ARFGEF1: variants seen among roughly 807,000 people sequenced by gnomAD.
The protein encoded by ARFGEF1 is brefeldin A-inhibited guanine nucleotide-exchange protein 1.
Under a neutral mutation model 231.0 loss-of-function variants are expected in ARFGEF1, and 42 were observed. The observed-to-expected ratio is 0.18, with a 90% CI of 0.14 to 0.24. The LOEUF is 0.24. Among genes scored for constraint, ARFGEF1 ranks in the 10% least tolerant of loss-of-function variants. ARFGEF1 has a pLI of 1.00. For missense variants in ARFGEF1, 1,345 were observed against 2,192.0 expected, an observed-to-expected ratio of 0.61 and a Z score of 7.72; for synonymous variants, 710 against 732.3, an observed-to-expected ratio of 0.97 and a Z score of 0.49.
At chr8:67,337,658 A>G (rs1483428286) in intron 1 of ARFGEF1, among the ~76,000 whole-genome samples, 1 of 151,010 alleles carries the variant, frequency 6.6e-6, no homozygotes, top group African/African-American at 2.4e-5. Flanking sequence ...TCCTGTTTCT[A>G]TTTCATCCAA....
chr8:67,307,472 G>A lies in ARFGEF1; in HGVS notation c.125-5006C>T, dbSNP rs1463951899. On this transcript the variant is annotated intron_variant, in intron 1 of 38. Transcript: ENST00000262215. ...AAATGTAAATTCCACGGACAAGGAA[G>A]AAGAATGGAACAATCTCATTAACCT... Among the ~76,000 whole-genome samples the A allele has an allele frequency of 2.0e-5, 3 of 152,296 alleles. No individual in the cohort carries two copies. In the East Asian group the frequency reaches 5.8e-4, roughly 29 times the overall value.
intron 1 of ARFGEF1, among the ~76,000 whole-genome samples, chr8:67,338,804 A>T (rs1157044290): frequency 6.6e-6 from 1 of 152,254 alleles, no homozygotes; most frequent in Non-Finnish European, 1.5e-5. Context: ...TACTTTAGAT[A>T]TCAAAGAAGG....
Position 67,257,713 on chromosome 8 carries a change from G to T in ARFGEF1, c.2526+19C>A. 1 of 1,543,996 alleles carries T rather than the reference G, an allele frequency of 6.5e-7. No individual in the cohort carries two copies. The highest frequency in any genetic ancestry group is 1.2e-5 in the South Asian group (1 of 85,654). ...ATTTTGTACCGCTTATTGTAAAACT[G>T]ACTTAAAAGAAAACATACCTGTGGA... On this transcript the variant is annotated intron_variant, in intron 17 of 38. Coordinates refer to ENST00000262215, the MANE Select transcript of ARFGEF1 (RefSeq NM_006421.5).
At chr8:67,271,034 AAAAAAAAAAG>A (rs1230978428) in intron 10 of ARFGEF1, among the ~76,000 whole-genome samples, 2 of 146,854 alleles carry the variant, frequency 1.4e-5, no homozygotes, top group Admixed American at 6.8e-5. Context: ...CCAAAAAAAA[AAAAAAAAAAG>A]GAAAAAGAAA....
At chr8:67,304,009 G>C (rs368214137) in intron 1 of ARFGEF1, among the ~76,000 whole-genome samples, 3 of 152,132 alleles carry the variant, frequency 2.0e-5, no homozygotes, top group African/African-American at 7.2e-5. Flanking sequence ...TGGCTAATCA[G>C]GTTTCAATAT....
At chr8:67,247,738 A>G (rs1840150390) in intron 19 of ARFGEF1, among the ~76,000 whole-genome samples, 1 of 150,560 alleles carries the variant, frequency 6.6e-6, no homozygotes, top group South Asian at 2.1e-4. Flanking sequence ...AGAAAGAAAT[A>G]AAAGACATCC....
At chr8:67,251,796 A>G (rs1161328955) in intron 18 of ARFGEF1, among the ~76,000 whole-genome samples, 2 of 152,096 alleles carry the variant, frequency 1.3e-5, no homozygotes. Context: ...TGAATTGTTC[A>G]TTTTTAAATG....
intron 6 of ARFGEF1, among the ~76,000 whole-genome samples, chr8:67,291,372 T>C (rs929131390): frequency 2.2e-4 from 34 of 152,060 alleles, no homozygotes; most frequent in Admixed American, 9.2e-4. Context: ...TGAAAATTTC[T>C]ATCAGTTGGT....
chr8:67,218,694 A>G (rs1314429916), intron 30 of ARFGEF1, among the ~76,000 whole-genome samples: 2 of 152,202 alleles, frequency 1.3e-5, no homozygotes, highest in Non-Finnish European at 2.9e-5. Context: ...ATACTGCTGT[A>G]TGGAACAAAA....
At chr8:67,190,510 C>T (rs917464941) in intron 5 of ARFGEF1, 3 of 631,464 alleles carry the variant, frequency 4.8e-6, no homozygotes, top group South Asian at 3.9e-5. Context: ...AAAAAAATCA[C>T]CGAACTGTGT....
Position 67,227,146 on chromosome 8 carries a change from G to T in ARFGEF1, c.3907C>A (p.His1303Asn), listed in dbSNP as rs1340496124. 6.2e-7 allele frequency: 1 copy of T among 1,610,530 alleles called. No homozygotes were observed. The highest frequency in any genetic ancestry group is 8.5e-7 in the Non-Finnish European group (1 of 1,178,188). Reference protein sequence around the residue: ...IVELAFQTTGHIVTLVFEKHF... With the variant: ...IVELAFQTTGNIVTLVFEKHF... ...CTAAGAGAATACTCACTGACAATGT[G>T]CCCGGTTGTTTGGAATGCAAGTTCC... Residue 1303 changes from histidine to asparagine, a missense_variant, in exon 27 of 39, where the codon CAC (histidine) becomes AAC (asparagine). Physicochemically the swap from His to Asn is moderately conservative, Grantham distance 68. Transcript: ENST00000262215.
At chr8:67,221,594 A>T (rs1025743804) in intron 29 of ARFGEF1, among the ~76,000 whole-genome samples, 15 of 152,168 alleles carry the variant, frequency 9.9e-5, no homozygotes, top group Admixed American at 5.9e-4. Context: ...CAAGTTTTTT[A>T]AAATTTTAAA....
chr8:67,326,173 G>C (rs1018260420), intron 1 of ARFGEF1, among the ~76,000 whole-genome samples: 2 of 152,138 alleles, frequency 1.3e-5, no homozygotes, highest in Non-Finnish European at 2.9e-5. Context: ...ACTCTAGCCT[G>C]GTTGACAGAG....
intron 1 of ARFGEF1, among the ~76,000 whole-genome samples, chr8:67,315,845 A>G (rs370004879): frequency 6.6e-6 from 1 of 152,138 alleles, no homozygotes; most frequent in Non-Finnish European, 1.5e-5. Flanking sequence ...ATACAGCTTA[A>G]AGGGAGACTT....
intron 1 of ARFGEF1, among the ~76,000 whole-genome samples, chr8:67,332,743 T>C (rs1012620986): frequency 6.6e-6 from 1 of 152,196 alleles, no homozygotes; most frequent in Non-Finnish European, 1.5e-5. Flanking sequence ...CATGTAGTAC[T>C]GTGATTAAAG....
At chr8:67,262,335 A>G (rs1011397953) in intron 14 of ARFGEF1, among the ~76,000 whole-genome samples, 2 of 151,978 alleles carry the variant, frequency 1.3e-5, no homozygotes, top group South Asian at 4.1e-4. Flanking sequence ...GATGACACTG[A>G]ATTGCTGTAA....
chr8:67,332,891 A>G (rs1808164810), intron 1 of ARFGEF1, among the ~76,000 whole-genome samples: 1 of 152,202 alleles, frequency 6.6e-6, no homozygotes, highest in East Asian at 1.9e-4. Context: ...TGCAGGTAAT[A>G]ACAGAACCTA....
At chr8:67,302,526 T>C in intron 1 of ARFGEF1, 60 bp from the exon 2 acceptor site, 2 of 1,254,956 alleles carry the variant, frequency 1.6e-6, no homozygotes, top group Admixed American at 2.6e-5. Context: ...GACTGAGTAA[T>C]TTCTTAAGTT....
At chr8:67,185,351 G>A (rs1834291486) in intron 5 of ARFGEF1, among the ~76,000 whole-genome samples, 1 of 152,228 alleles carries the variant, frequency 6.6e-6, no homozygotes, top group Admixed American at 6.5e-5. Context: ...GATGGATAAT[G>A]ATGAAAATGA....
Sources: gnomAD v4.1 joint callset for allele counts (sites outside exome capture counted in the v4.1 genomes callset) on GRCh38, gnomAD v4.1.1 for gene constraint, MANE v1.5 for transcripts, NCBI Gene and HGNC (gene_info 2026-07-23, HGNC 2026-07-21) for gene names.